PGA3: variants seen among roughly 807,000 people sequenced by gnomAD.
The protein encoded by PGA3 is pepsinogen A3.
Under a neutral mutation model 15.6 loss-of-function variants are expected in PGA3, and 1 was observed. That is an observed-to-expected ratio of 0.06 (90% CI 0.02 to 0.30). The LOEUF is 0.30. PGA3 is among the 10% of genes least tolerant of loss of function. The pLI is 1.00. For missense variants in PGA3, 29 were observed against 183.7 expected (o/e 0.16, Z 4.87); for synonymous variants, 14 against 79.5 (o/e 0.18, Z 4.38).
At chr11:61,205,586 C>G (rs1237139830) in intron 2 of PGA3, 2 of 108,788 alleles carry the variant, frequency 1.8e-5, no homozygotes, top group Non-Finnish European at 2.0e-5. Context: ...ATAAAAGGAT[C>G]AGCCAAGGAA....
At position 61,204,204 on chromosome 11, in the gene PGA3, A is replaced by G; in HGVS notation, c.154A>G (p.Lys52Glu). The change falls in exon 2 of 9, where the codon AAG (lysine) becomes GAG (glutamate). Residue 52 changes from lysine (K) to glutamate (E), a missense_variant. This residue lies in a region of PGA3 where 19 missense variants were observed against 77.9 expected (regional missense o/e 0.24). Transcript: ENST00000325558. ...GAAGCACAACCTCAACCCAGCCAGA[A>G]AGTACTTCCCCCAGTGGAAGGCTCC... ...LKKHNLNPARKYFPQWKAPTL... is the reference protein window; with the variant it reads ...LKKHNLNPAREYFPQWKAPTL... The G allele has an allele frequency of 1.4e-6, 2 of 1,449,210 alleles. 1 individual carries two copies. The highest frequency in any genetic ancestry group is 1.9e-6 in the Non-Finnish European group (2 of 1,053,160). 89.8% of individuals were successfully genotyped at this position (1,449,210 alleles called of 1,614,324 possible).
chr11:61,205,390 C>T (rs570139488), intron 2 of PGA3, among the ~76,000 whole-genome samples: 4 of 152,288 alleles, frequency 2.6e-5, no homozygotes, highest in African/African-American at 9.6e-5. Context: ...AGCTTATACT[C>T]TAAAGGGGAT....
rs1248758304 is a variant in PGA3, at chr11:61,203,598, C to T, written c.34C>T (p.Leu12Phe). The T allele has an allele frequency of 6.2e-7, 1 of 1,604,552 alleles. No individual in the cohort carries two copies. Among genetic ancestry groups the T allele is most frequent in the African/African-American group, 1.4e-5 (1 of 73,712 alleles). The change falls in exon 1 of 9, where the codon CTC (leucine) becomes TTC (phenylalanine). Residue 12 changes from leucine (L) to phenylalanine (F), a missense_variant. This residue lies in a region of PGA3 where 19 missense variants were observed against 77.9 expected (regional missense o/e 0.24). Transcript: ENST00000325558. ...KWLLLLGLVA[L>F]SECIMYKVPL... is the part of the protein sequence containing the mutation. The stretch of plus-strand genomic sequence containing the variant: ...GCTGCTGCTGCTGGGTCTGGTGGCA[C>T]TCTCTGAGTGCATCATGTACAAGTG...
intron 2 of PGA3, among the ~76,000 whole-genome samples, chr11:61,205,099 G>A (rs1853909915): frequency 6.6e-6 from 1 of 152,062 alleles, no homozygotes; most frequent in Non-Finnish European, 1.5e-5. Flanking sequence ...GGGTCCTAGT[G>A]CCTCTAAGCC....
At chr11:61,206,137 C>G (rs1221550659) in intron 2 of PGA3, 1 of 195,980 alleles carries the variant, frequency 5.1e-6, no homozygotes, top group Admixed American at 6.0e-5. Context: ...GGCACAAGCA[C>G]TTAAGCTGTA....
intron 2 of PGA3, among the ~76,000 whole-genome samples, chr11:61,205,220 G>A (rs1853911605): frequency 1.3e-5 from 2 of 151,884 alleles, no homozygotes; most frequent in Admixed American, 1.3e-4. Flanking sequence ...ACACGATCAT[G>A]TTTTCTGGAG....
At chr11:61,205,493 G>T (rs1322246610) in intron 2 of PGA3, among the ~76,000 whole-genome samples, 3 of 151,842 alleles carry the variant, frequency 2.0e-5, no homozygotes, top group Non-Finnish European at 4.4e-5. Context: ...AAGATTGAGA[G>T]GGGGCAAATT....
chr11:61,212,436 A>C, intron 8 of PGA3, 117 bp from the exon 9 acceptor site: 1 of 86,140 alleles, frequency 1.2e-5, no homozygotes, highest in Non-Finnish European at 2.1e-5. Context: ...CTGAGCCAGG[A>C]AGCTCCTCCT....
chr11:61,211,859 T>G (rs1844166211), intron 8 of PGA3, among the ~76,000 whole-genome samples: 1 of 151,290 alleles, frequency 6.6e-6, no homozygotes, highest in African/African-American at 2.4e-5. Flanking sequence ...TACCAAGGGT[T>G]GGGCAAATGG....
In PGA3 at chr11:61,204,106, G is replaced by GAAAGAA; in HGVS notation, c.57-1_57insAAAGAA (p.Lys19_Val20insLysLys). 6 of 1,269,590 alleles carry GAAAGAA rather than the reference G, an allele frequency of 4.7e-6. No homozygotes were observed. The highest frequency in any genetic ancestry group is 6.6e-6 in the Non-Finnish European group (6 of 905,182). 78.6% of individuals were successfully genotyped at this position (1,269,590 alleles called of 1,614,324 possible). ...ATTCCTCTTCCTTCTCCAAACCACA[G>GAAAGAA]GGTCCCCCTCATCAGAAAGAAGTCC... is the stretch of plus-strand genomic sequence containing the variant. On this transcript the variant is annotated inframe_insertion and splice_region_variant. Transcript: ENST00000325558.
intron 8 of PGA3, 72 bp downstream of exon 8, chr11:61,211,507 G>A (rs1421020893): frequency 4.7e-5 from 64 of 1,355,624 alleles, no homozygotes; most frequent in Admixed American, 9.9e-5. Flanking sequence ...CTCTGCAGAC[G>A]GAAAGTACAC....
intron 2 of PGA3, chr11:61,204,849 C>T (rs1332501303): frequency 6.4e-4 from 105 of 163,954 alleles, no homozygotes; most frequent in African/African-American, 2.2e-3. Context: ...GAGGGGTGGA[C>T]GCAGAGAGGC....
At chr11:61,205,994 T>TTAAAAAAA (rs376217050) in intron 2 of PGA3, 288 of 133,734 alleles carry the variant, frequency 2.2e-3, no homozygotes, top group South Asian at 9.4e-3. Context: ...GAGACTTGTC[T>TTAAAAAAA]CAAAAAAAAA....
At position 61,206,044 on chromosome 11, in the gene PGA3, G is replaced by A. The variant is rs77712808; in HGVS notation, c.220-466G>A. 1.4e-3 allele frequency: 292 copies of A among 206,116 alleles called. 64 individuals carry two copies. The highest frequency in any genetic ancestry group is 2.5e-3 in the Non-Finnish European group (242 of 95,414). The allele number at this position is 206,116 out of a possible 1,614,324, so 12.8% of individuals were successfully genotyped here. A position where few individuals can be genotyped will look rare whatever the true frequency, so the allele number is the denominator to read the frequency against. On this transcript the variant is annotated intron_variant, in intron 2 of 8. Transcript: ENST00000325558. ...GCAATGCCCTTTCTCAAAACCTGCT[G>A]TACACATCTAGACGTAGAAATAAGA...
chr11:61,211,076 C>T lies in PGA3; in HGVS notation c.774-14C>T, dbSNP rs1432588116. The T allele has an allele frequency of 6.1e-6, 2 of 327,604 alleles. No individual in the cohort carries two copies. The highest frequency in any genetic ancestry group is 6.2e-5 in the Admixed American group (1 of 16,026). The allele number at this position is 327,604 out of a possible 1,614,324, so 20.3% of individuals were successfully genotyped here. ...CTGAGAGCTCAGGGAGCTTAACTTG[C>T]TTCTTGCCCTCAGCATCACCATGAA... On this transcript the variant is annotated splice_polypyrimidine_tract_variant and intron_variant, in intron 6 of 8. Transcript: ENST00000325558.
chr11:61,211,720 G>A (rs1853950007), intron 8 of PGA3, among the ~76,000 whole-genome samples: 1 of 150,394 alleles, frequency 6.6e-6, no homozygotes, highest in Admixed American at 6.8e-5. Context: ...TGAATTACTA[G>A]CCCATTGATT....
At chr11:61,204,956 G>A (rs1408638838) in intron 2 of PGA3, among the ~76,000 whole-genome samples, 2 of 152,182 alleles carry the variant, frequency 1.3e-5, no homozygotes, top group South Asian at 4.1e-4. Flanking sequence ...TTTGAGATCC[G>A]ATAGCAAACA....
At chr11:61,205,042 T>A (rs1853908939) in intron 2 of PGA3, among the ~76,000 whole-genome samples, 1 of 152,200 alleles carries the variant, frequency 6.6e-6, no homozygotes, top group Non-Finnish European at 1.5e-5. Flanking sequence ...GTGATGCCCG[T>A]GGTTCAGAGA....
At chr11:61,211,944 G>A (rs1257065213) in intron 8 of PGA3, among the ~76,000 whole-genome samples, 9 of 149,680 alleles carry the variant, frequency 6.0e-5, no homozygotes, top group Admixed American at 2.7e-4. Context: ...TTAGCTATAC[G>A]AGCCACAAGA....
Sources: allele counts gnomAD v4.1 joint callset (sites outside exome capture counted in the v4.1 genomes callset), GRCh38; gene constraint gnomAD v4.1.1; regional missense constraint gnomAD v4.1.1; transcripts MANE v1.5; gene names NCBI Gene and HGNC (gene_info 2026-07-23, HGNC 2026-07-21).